AOPEP: variants seen among roughly 807,000 people sequenced by gnomAD.
AOPEP encodes aminopeptidase O (putative).
A neutral mutation model predicts 98.1 loss-of-function variants in AOPEP; 77 were observed. The ratio of observed to expected loss-of-function variants is 0.78; its 90% CI spans 0.65 to 0.95. AOPEP has a LOEUF of 0.95. AOPEP is among the 40% of genes least tolerant of loss of function. AOPEP has a pLI of 0.00. For synonymous variants in AOPEP, 346 were observed against 365.3 expected (o/e 0.95, Z 0.60); for missense variants, 1,024 against 1,024.7 (o/e 1.00, Z 0.01).
At chr9:94,886,152 A>G (rs1040869578) in intron 5 of AOPEP, among the ~76,000 whole-genome samples, 1 of 152,142 alleles carries the variant, frequency 6.6e-6, no homozygotes, top group Non-Finnish European at 1.5e-5. Context: ...TGAAAGCAAT[A>G]GAAAATTGAT....
intron 5 of AOPEP, among the ~76,000 whole-genome samples, chr9:94,876,337 T>C (rs1194555963): frequency 1.3e-5 from 2 of 151,996 alleles, no homozygotes; most frequent in Non-Finnish European, 2.9e-5. Context: ...GTTGCTCTCA[T>C]AAACACATCA....
intron 13 of AOPEP, among the ~76,000 whole-genome samples, chr9:95,035,507 ATTTTTTTTTTT>A (rs542840000): frequency 2.5e-4 from 17 of 67,964 alleles, no homozygotes; most frequent in East Asian, 8.8e-4. Flanking sequence ...GCTTCAGATA[ATTTTTTTTTTT>A]TTTTTTTTTT....
rs148652373 is a variant in AOPEP, at chr9:94,825,444, C to T, written c.1364+24442C>T. 3.3e-4 allele frequency among the ~76,000 whole-genome samples: 50 copies of T among 152,354 alleles called. 1 individual carries two copies. In the East Asian group the frequency reaches 8.7e-3, roughly 26 times the overall value. ...TGGGACCTCAAATCCCAATTAGAAA[C>T]ACTCCAGGAAACATACATCTTTATT... On this transcript the variant is annotated intron_variant, in intron 5 of 16. Coordinates refer to ENST00000375315, the MANE Select transcript of AOPEP (RefSeq NM_001193329.3).
chr9:94,930,348 G>A lies in AOPEP; in HGVS notation c.1661+1817G>A, dbSNP rs2137052310. Among the ~76,000 whole-genome samples the A allele has an allele frequency of 6.6e-6, 1 of 152,318 alleles. No individual in the cohort carries two copies. Among genetic ancestry groups the A allele is most frequent in the Middle Eastern group, 3.4e-3 (1 of 294 alleles). ...AGATGGTGATCCCATTTGTGTGATG[G>A]TAAAGACATGAGGAGGAGCTTGGAA... On this transcript the variant is annotated intron_variant, in intron 7 of 16. Coordinates refer to ENST00000375315, the MANE Select transcript of AOPEP (RefSeq NM_001193329.3). This position sits in a 1 kb window ranked among gnomAD's most constrained non-coding sequence, Gnocchi z 4.5.
chr9:95,091,066 CTG>C (rs1351747842), downstream of AOPEP, among the ~76,000 whole-genome samples: 2 of 152,180 alleles, frequency 1.3e-5, no homozygotes, highest in African/African-American at 4.8e-5. Flanking sequence ...GGGGAGGGAC[CTG>C]TGCCGCAGTG....
At chr9:94,896,959 A>G (rs910589341) in intron 5 of AOPEP, among the ~76,000 whole-genome samples, 1 of 150,438 alleles carries the variant, frequency 6.6e-6, no homozygotes, top group African/African-American at 2.4e-5. Context: ...TGTTTCTAAA[A>G]CTAAAGTAAA....
intron 5 of AOPEP, chr9:94,921,238 T>G (rs1174815371): frequency 6.6e-6 from 1 of 152,256 alleles, no homozygotes; most frequent in Non-Finnish European, 1.5e-5. Context: ...CCAGTGAGGC[T>G]TGTCAGGGGG....
Position 95,071,378 on chromosome 9 carries a change from A to G in AOPEP, c.2233-9316A>G, listed in dbSNP as rs555616450. Among the ~76,000 whole-genome samples, 276 of 150,742 alleles carry G rather than the reference A, an allele frequency of 1.8e-3. 3 individuals are homozygous for G. In the South Asian group the frequency reaches 0.029, roughly 16 times the overall value. Reference sequence around the variant, plus strand: ...GGATGCTGAATATATATCTGTATCAATTGTTGCTGTTGGAAACATCAAAAG... The same window carrying G: ...GGATGCTGAATATATATCTGTATCAGTTGTTGCTGTTGGAAACATCAAAAG... On this transcript the variant is annotated intron_variant, in intron 14 of 16. Transcript: ENST00000375315.
In AOPEP at chr9:94,792,862, G is replaced by A. The variant is rs202221732; in HGVS notation, c.1062G>A (p.Trp354Ter). The change falls in exon 4 of 17, where the codon TGG (tryptophan) becomes TGA (stop). Residue 354 changes from tryptophan to a stop codon, truncating the protein, a stop_gained. Transcript: ENST00000375315. LOFTEE classifies it high-confidence loss of function. ...GCWTEMKMET[W>*]SSNDLATERP... ...GGACAGAAATGAAGATGGAGACATGGTCATCAAATGATTTGGCAACAGAGA... is the reference window on the plus strand; with the variant it reads ...GGACAGAAATGAAGATGGAGACATGATCATCAAATGATTTGGCAACAGAGA... The A allele has an allele frequency of 6.2e-7, 1 of 1,613,550 alleles. No homozygotes were observed. The highest frequency in any genetic ancestry group is 2.2e-5 in the East Asian group (1 of 44,880).
At chr9:95,081,316 T>G (rs73654508) in intron 15 of AOPEP, among the ~76,000 whole-genome samples, 2,384 of 152,294 alleles carry the variant, frequency 0.016, 63 homozygotes, top group African/African-American at 0.054. Context: ...AGACCTTCAT[T>G]GGCCGCCTCT....
At chr9:94,814,717 A>G (rs1034563493) in intron 5 of AOPEP, among the ~76,000 whole-genome samples, 2 of 152,240 alleles carry the variant, frequency 1.3e-5, no homozygotes, top group African/African-American at 4.8e-5. Flanking sequence ...GCAAAGGGAT[A>G]CAAAAGAAAG....
chr9:95,047,368 G>T (rs1427610468), intron 13 of AOPEP, among the ~76,000 whole-genome samples: 1 of 152,166 alleles, frequency 6.6e-6, no homozygotes, highest in Non-Finnish European at 1.5e-5. Flanking sequence ...AATGGATGCA[G>T]ATTATTTAAA....
rs573034113 is a variant in AOPEP at position 95,018,098 on chromosome 9, T to C, written c.2115+12482T>C. ...TGAATAACCCATCTGTGGACACTGG[T>C]ATAACTGTCTTTGTGTAGACATATG... On this transcript the variant is annotated intron_variant, in intron 13 of 16. Transcript: ENST00000375315. Among the ~76,000 whole-genome samples the C allele has an allele frequency of 1.4e-3, 218 of 152,340 alleles. 2 individuals carry two copies. The highest frequency in any genetic ancestry group is 4.9e-3 in the African/African-American group (204 of 41,574).
At chr9:94,732,330 A>G (rs554589762) in intron 1 of AOPEP, among the ~76,000 whole-genome samples, 1 of 151,582 alleles carries the variant, frequency 6.6e-6, no homozygotes, top group Admixed American at 6.6e-5. Flanking sequence ...CATCTCTTTT[A>G]CAAAGCATTA....
intron 3 of AOPEP, among the ~76,000 whole-genome samples, chr9:94,787,988 A>G (rs1844805821): frequency 6.6e-6 from 1 of 152,118 alleles, no homozygotes; most frequent in African/African-American, 2.4e-5. Context: ...CCCAAACTCC[A>G]TCATACACAA....
chr9:95,074,816 C>T (rs535912248), intron 14 of AOPEP, among the ~76,000 whole-genome samples: 3 of 152,354 alleles, frequency 2.0e-5, no homozygotes, highest in East Asian at 1.9e-4. Context: ...GCCCAGGCCG[C>T]ACCTGCTCTT....
At chr9:94,737,793 T>A (rs529106155) in intron 1 of AOPEP, among the ~76,000 whole-genome samples, 34 of 152,192 alleles carry the variant, frequency 2.2e-4, no homozygotes, top group Non-Finnish European at 4.6e-4. Context: ...GTGGTGAATA[T>A]CCGTATTTGG....
rs1338345105 is a variant in AOPEP at position 94,930,139 on chromosome 9, G to A, written c.1661+1608G>A. Among the ~76,000 whole-genome samples the A allele has an allele frequency of 6.6e-6, 1 of 152,216 alleles. No homozygotes were observed. Among genetic ancestry groups the A allele is most frequent in the African/African-American group, 2.4e-5 (1 of 41,452 alleles). ...GCAGCCGACGGAAAGCCAGGAGAACGGTTGCAGCCTTGCAGTAGTCCATGC... is the reference window on the plus strand; with the variant it reads ...GCAGCCGACGGAAAGCCAGGAGAACAGTTGCAGCCTTGCAGTAGTCCATGC... On this transcript the variant is annotated intron_variant, in intron 7 of 16. Coordinates refer to ENST00000375315, the MANE Select transcript of AOPEP (RefSeq NM_001193329.3). This position sits in a 1 kb window ranked among gnomAD's most constrained non-coding sequence, Gnocchi z 4.5.
chr9:94,916,596 C>T (rs772003669), intron 5 of AOPEP, among the ~76,000 whole-genome samples: 5 of 151,194 alleles, frequency 3.3e-5, no homozygotes, highest in East Asian at 1.9e-4. Context: ...CCAAGCTACT[C>T]GGGAGGCTGA....
Sources: allele counts gnomAD v4.1 joint callset (sites outside exome capture counted in the v4.1 genomes callset), GRCh38; gene constraint gnomAD v4.1.1; non-coding constraint Gnocchi (gnomAD v3.1); transcripts MANE v1.5; gene names NCBI Gene and HGNC (gene_info 2026-07-23, HGNC 2026-07-21).